Variants in ADAM32 observed in about 807,000 individuals in gnomAD.
ADAM32 encodes the protein disintegrin and metalloproteinase domain-containing protein 32.
Under a neutral mutation model 114.9 loss-of-function variants are expected in ADAM32, and 89 were observed. The observed-to-expected ratio is 0.77, with a 90% CI of 0.65 to 0.92. The LOEUF is 0.92. Among genes scored for constraint, ADAM32 ranks in the 40% least tolerant of loss-of-function variants. The pLI is 0.00. For synonymous variants in ADAM32, 285 were observed against 307.5 expected, an observed-to-expected ratio of 0.93 and a Z score of 0.77; for missense variants, 870 against 932.8, an observed-to-expected ratio of 0.93 and a Z score of 0.88.
At chr8:39,155,909 T>G (rs1408138570) in intron 6 of ADAM32, among the ~76,000 whole-genome samples, 1 of 152,148 alleles carries the variant, frequency 6.6e-6, no homozygotes, top group African/African-American at 2.4e-5. Flanking sequence ...ACAATCATAG[T>G]TTGAATTAAT....
chr8:39,284,565 G>A (rs542756420), intron 24 of ADAM32, among the ~76,000 whole-genome samples: 8 of 152,112 alleles, frequency 5.3e-5, no homozygotes, highest in African/African-American at 1.9e-4. Context: ...TCATTTGCAA[G>A]TACTTCTGAT....
At chr8:39,271,410 A>C (rs1385408696) in intron 20 of ADAM32, among the ~76,000 whole-genome samples, 1 of 151,870 alleles carries the variant, frequency 6.6e-6, no homozygotes, top group Non-Finnish European at 1.5e-5. Flanking sequence ...CTACTGCACA[A>C]AGCAAAATAT....
At chr8:39,237,852 C>T (rs1397278317) in intron 16 of ADAM32, among the ~76,000 whole-genome samples, 5 of 152,160 alleles carry the variant, frequency 3.3e-5, no homozygotes, top group Non-Finnish European at 7.3e-5. Flanking sequence ...TAGGGCCCAC[C>T]CATCACCTGA....
chr8:39,185,775 T>A (rs1215067538), intron 10 of ADAM32, among the ~76,000 whole-genome samples: 13 of 152,222 alleles, frequency 8.5e-5, no homozygotes, highest in Admixed American at 8.5e-4. Flanking sequence ...TCCAGAGCAG[T>A]ACATTGATAC....
intron 11 of ADAM32, among the ~76,000 whole-genome samples, chr8:39,200,328 A>T (rs1468130996): frequency 1.3e-5 from 2 of 152,264 alleles, no homozygotes; most frequent in East Asian, 1.9e-4. Flanking sequence ...CTGGTGTGAG[A>T]TGGTATCTCA....
intron 17 of ADAM32, 56 bp downstream of exon 17, chr8:39,246,222 TCATTAATTTA>T: frequency 6.6e-7 from 1 of 1,524,434 alleles, no homozygotes; most frequent in Non-Finnish European, 9.0e-7. Context: ...TTTGCATCAC[TCATTAATTTA>T]CTGACATTTT....
intron 8 of ADAM32, 88 bp downstream of exon 8, chr8:39,164,923 C>A (rs1298594235): frequency 6.7e-7 from 1 of 1,494,134 alleles, no homozygotes; most frequent in East Asian, 2.3e-5. Context: ...GGATAATTAA[C>A]CCACCCATAT....
intron 11 of ADAM32, among the ~76,000 whole-genome samples, chr8:39,194,037 T>A (rs144857446): frequency 8.0e-4 from 121 of 152,162 alleles, no homozygotes; most frequent in African/African-American, 2.8e-3. Context: ...TGCAGGAGGG[T>A]GCTAGTGTGT....
intron 17 of ADAM32, among the ~76,000 whole-genome samples, chr8:39,247,523 G>A (rs777630304): frequency 1.3e-4 from 19 of 151,626 alleles, no homozygotes; most frequent in Non-Finnish European, 2.8e-4. Flanking sequence ...AAAGTCTTTT[G>A]CCCATTTTTA....
intron 10 of ADAM32, among the ~76,000 whole-genome samples, chr8:39,170,449 A>G (rs1451390365): frequency 6.6e-6 from 1 of 152,080 alleles, no homozygotes; most frequent in Admixed American, 6.6e-5. Context: ...AGCATTTATA[A>G]TACGGATAAA....
At chr8:39,111,643 C>A (rs1018499255) in intron 1 of ADAM32, among the ~76,000 whole-genome samples, 2 of 146,074 alleles carry the variant, frequency 1.4e-5, no homozygotes, top group Non-Finnish European at 3.0e-5. Flanking sequence ...ATTGCTTGAA[C>A]CTGCGAGGTG....
intron 10 of ADAM32, among the ~76,000 whole-genome samples, chr8:39,177,928 G>A (rs1014847065): frequency 6.6e-6 from 1 of 151,914 alleles, no homozygotes; most frequent in Non-Finnish European, 1.5e-5. Flanking sequence ...CTTTCCATCT[G>A]ACTGCCTTAA....
At chr8:39,124,924 C>T (rs904585116) in intron 2 of ADAM32, among the ~76,000 whole-genome samples, 1 of 152,198 alleles carries the variant, frequency 6.6e-6, no homozygotes, top group Admixed American at 6.5e-5. Context: ...AATTGCCACA[C>T]TGTCTTCCAC....
At position 39,239,562 on chromosome 8, in the gene ADAM32, A is replaced by G. The variant is rs139349029; in HGVS notation, c.1818+5480A>G. ...AAACAACCAGCATGATAAATAGAAT[A>G]GTACCTCACATCTCAATACTAACAT... On this transcript the variant is annotated intron_variant, in intron 16 of 24. Coordinates refer to ENST00000379907, the MANE Select transcript of ADAM32 (RefSeq NM_145004.7). Among the ~76,000 whole-genome samples, 471 of 152,354 alleles carry G rather than the reference A, an allele frequency of 3.1e-3. 2 individuals are homozygous for G. The highest frequency in any genetic ancestry group is 0.011 in the African/African-American group (454 of 41,588).
In ADAM32 at chr8:39,283,866, C is replaced by T. The variant is rs112505190; in HGVS notation, c.2357+242C>T. On this transcript the variant is annotated intron_variant, in intron 24 of 24. Transcript: ENST00000379907. ...TCAGCTCACTGCAACCTCAGCCTCC[C>T]GCGTTCAAGCGATTCTCCTGCCTCA... Among the ~76,000 whole-genome samples, 28 of 151,666 alleles carry T rather than the reference C, an allele frequency of 1.8e-4. 1 individual carries two copies. Among genetic ancestry groups the T allele is most frequent in the African/African-American group, 5.6e-4 (23 of 41,358 alleles).
At chr8:39,120,528 G>T (rs1840547897) in intron 2 of ADAM32, among the ~76,000 whole-genome samples, 1 of 152,166 alleles carries the variant, frequency 6.6e-6, no homozygotes, top group Admixed American at 6.5e-5. Flanking sequence ...TTGGGAGGCT[G>T]ACGTGGGCAG....
chr8:39,199,957 T>C (rs560356344), intron 11 of ADAM32, among the ~76,000 whole-genome samples: 1 of 152,208 alleles, frequency 6.6e-6, no homozygotes, highest in African/African-American at 2.4e-5. Context: ...GAACTCATCA[T>C]TTTTTATGGC....
At chr8:39,283,935 G>A (rs1020562673) in intron 24 of ADAM32, among the ~76,000 whole-genome samples, 26 of 151,968 alleles carry the variant, frequency 1.7e-4, no homozygotes, top group African/African-American at 5.3e-4. Flanking sequence ...CGCCATGCCC[G>A]CCTAATTTTT....
intron 16 of ADAM32, among the ~76,000 whole-genome samples, chr8:39,243,682 A>G (rs1019641351): frequency 2.6e-5 from 4 of 152,222 alleles, no homozygotes; most frequent in African/African-American, 9.6e-5. Context: ...TGTACTGAAT[A>G]GGGAAAAGTT....
Sources: allele counts gnomAD v4.1 joint callset (sites outside exome capture counted in the v4.1 genomes callset), GRCh38; gene constraint gnomAD v4.1.1; transcripts MANE v1.5; gene names NCBI Gene and HGNC (gene_info 2026-07-23, HGNC 2026-07-21).